Variants in PSMF1 observed in about 807,000 individuals in gnomAD.
The protein encoded by PSMF1 is proteasome inhibitor subunit 1, also known as proteasome inhibitor PI31 subunit.
A neutral mutation model predicts 29.3 loss-of-function variants in PSMF1; 30 were observed. The observed-to-expected ratio is 1.02, with a 90% CI of 0.77 to 1.39. PSMF1 has a LOEUF of 1.39. PSMF1 is among the 40% of genes most tolerant of loss of function. The pLI is 0.00. For synonymous variants in PSMF1, 134 were observed against 139.7 expected (o/e 0.96, Z 0.29); for missense variants, 344 against 357.5 (o/e 0.96, Z 0.31).
chr20:1,164,340 G>C lies in PSMF1; in HGVS notation c.628G>C (p.Val210Leu), dbSNP rs1005994507. The C allele has an allele frequency of 7.4e-6, 12 of 1,613,850 alleles. No individual in the cohort carries two copies. Among genetic ancestry groups the C allele is most frequent in the Admixed American group, 1.7e-5 (1 of 59,988 alleles). ...PFGPRRGGMI[V>L]DPLRSGFPRA... ...CAGGCCTCGGAGAGGTGGCATGATT[G>C]TGGATCCCCTGAGATCTGGCTTCCC... The change falls in exon 6 of 7, where the codon GTG becomes CTG. Residue 210 changes from valine to leucine, a missense_variant. Transcript: ENST00000335877. The surrounding 1 kb of genome is among the most constrained non-coding windows in gnomAD (Gnocchi z 4.1).
chr20:1,118,845 C>T lies in PSMF1; in HGVS notation c.72C>T (p.Cys24=). Reference sequence around the variant, plus strand: ...CCTGCAGGCAGGACGCGCTCGTCTGCTTCTTGCATTGGGAAGTGGTGACAC... The same window carrying T: ...CCTGCAGGCAGGACGCGCTCGTCTGTTTCTTGCATTGGGAAGTGGTGACAC... ...AITCRQDALV[C]FLHWEVVTHG... Residue 24 remains cysteine, a synonymous_variant, in exon 1 of 7, where the codon TGC becomes TGT. Coordinates refer to ENST00000335877, the MANE Select transcript of PSMF1 (RefSeq NM_006814.5). 1 of 1,613,968 alleles carries T rather than the reference C, an allele frequency of 6.2e-7. No individual in the cohort carries two copies. Among genetic ancestry groups the T allele is most frequent in the Non-Finnish European group, 8.5e-7 (1 of 1,179,814 alleles).
chr20:1,127,361 C>T (rs761403033), intron 2 of PSMF1, 65 bp from the exon 3 acceptor site: 1 of 1,227,262 alleles, frequency 8.1e-7, no homozygotes. Flanking sequence ...TGTTACTCTC[C>T]CTTCACCCTC....
chr20:1,163,116 C>G lies in PSMF1; in HGVS notation c.552-14C>G. On this transcript the variant is annotated splice_polypyrimidine_tract_variant and intron_variant, in intron 4 of 6. Transcript: ENST00000335877. The surrounding 1 kb of genome is among the most constrained non-coding windows in gnomAD (Gnocchi z 6.1). ...GCTCTGGGACTTGCAGTAATTGTCTCTTGTTTGTTTCAGGTGTGATCCCCT... is the reference window on the plus strand; with the variant it reads ...GCTCTGGGACTTGCAGTAATTGTCTGTTGTTTGTTTCAGGTGTGATCCCCT... 6.2e-7 allele frequency: 1 copy of G among 1,614,010 alleles called. No homozygotes were observed. The highest frequency in any genetic ancestry group is 8.5e-7 in the Non-Finnish European group (1 of 1,179,966).
intron 4 of PSMF1, among the ~76,000 whole-genome samples, chr20:1,146,163 G>T (rs962944028): frequency 6.6e-6 from 1 of 152,148 alleles, no homozygotes; most frequent in Non-Finnish European, 1.5e-5. Flanking sequence ...TTAGCACAGA[G>T]ATACTTCATG....
chr20:1,118,554 C>G (rs928706057), upstream of PSMF1: 6 of 494,530 alleles, frequency 1.2e-5, no homozygotes, highest in Non-Finnish European at 1.0e-5. Context: ...CTCGCGTTGC[C>G]AACCCGGCGC....
chr20:1,167,002 C>T lies in PSMF1; in HGVS notation c.*1922C>T, dbSNP rs1274709890. The T allele has an allele frequency of 6.6e-6, 1 of 151,930 alleles. No individual in the cohort carries two copies. The highest frequency in any genetic ancestry group is 2.4e-5 in the African/African-American group (1 of 41,342). The allele number at this position is 151,930 out of a possible 1,614,324, so 9.4% of individuals were successfully genotyped here. On this transcript the variant is annotated 3_prime_UTR_variant, in exon 7 of 7. Transcript: ENST00000335877. Reference sequence around the variant, plus strand: ...ACTTAGATTTTCTAGCAGCAAAGTCCGAAAAGATAGTTATATACAAAATTC... The same window carrying T: ...ACTTAGATTTTCTAGCAGCAAAGTCTGAAAAGATAGTTATATACAAAATTC...
chr20:1,125,582 A>T lies in PSMF1; in HGVS notation c.214A>T (p.Lys72Ter). 6.2e-7 allele frequency: 1 copy of T among 1,614,122 alleles called. No individual in the cohort carries two copies. Among genetic ancestry groups the T allele is most frequent in the Non-Finnish European group, 8.5e-7 (1 of 1,180,010 alleles). Reference sequence around the variant, plus strand: ...CCTGTATGTCCTCCGGTATGAGTATAAGGATGGGTCCAGAAAGCTCCTTGT... The same window carrying T: ...CCTGTATGTCCTCCGGTATGAGTATTAGGATGGGTCCAGAAAGCTCCTTGT... ...KDLYVLRYEY[K>*]DGSRKLLVKA... Residue 72 changes from lysine to a stop codon, truncating the protein, a stop_gained, in exon 2 of 7, where the codon AAG becomes TAG. Transcript: ENST00000335877. LOFTEE classifies it high-confidence loss of function.
chr20:1,137,968 G>T (rs964760249), intron 4 of PSMF1, among the ~76,000 whole-genome samples: 1 of 152,274 alleles, frequency 6.6e-6, no homozygotes, highest in East Asian at 1.9e-4. Context: ...AAGAATGGTG[G>T]ACTATTGATA....
intron 1 of PSMF1, among the ~76,000 whole-genome samples, chr20:1,125,094 GT>G (rs1484485014): frequency 6.6e-6 from 1 of 152,196 alleles, no homozygotes; most frequent in East Asian, 1.9e-4. Context: ...TCGGATCTGT[GT>G]TTTTAGTCAA....
At chr20:1,125,789 T>A in intron 2 of PSMF1, 139 bp downstream of exon 2, 1 of 1,183,344 alleles carries the variant, frequency 8.5e-7, no homozygotes, top group South Asian at 1.4e-5. Context: ...GAACTTTATC[T>A]TAAGGTGAGA....
intron 3 of PSMF1, among the ~76,000 whole-genome samples, chr20:1,130,736 T>G (rs560332410): frequency 6.6e-6 from 1 of 152,302 alleles, no homozygotes; most frequent in Admixed American, 6.5e-5. Context: ...CTCAACCTAC[T>G]GGGCTCAAGT....
At chr20:1,116,357 G>A (rs1200476600), upstream of PSMF1, among the ~76,000 whole-genome samples, 1 of 152,216 alleles carries the variant, frequency 6.6e-6, no homozygotes, top group Non-Finnish European at 1.5e-5. Flanking sequence ...TCAGAGAGGA[G>A]TTCCACAGCC....
chr20:1,151,617 G>A (rs776193342), intron 4 of PSMF1, among the ~76,000 whole-genome samples: 2 of 152,160 alleles, frequency 1.3e-5, no homozygotes, highest in Non-Finnish European at 2.9e-5. Context: ...TATGTCATGA[G>A]GTGTGGACCC....
chr20:1,145,052 A>G (rs1289083942), intron 4 of PSMF1, among the ~76,000 whole-genome samples: 1 of 151,942 alleles, frequency 6.6e-6, no homozygotes, highest in African/African-American at 2.4e-5. Flanking sequence ...CACCCAGCTC[A>G]TTTTTGTATT....
intron 1 of PSMF1, among the ~76,000 whole-genome samples, chr20:1,122,884 A>G (rs1272967940): frequency 6.6e-6 from 1 of 152,196 alleles, no homozygotes; most frequent in Non-Finnish European, 1.5e-5. Context: ...TTTATATTCC[A>G]AGAGAGAACT....
chr20:1,121,572 T>C (rs1417947816), intron 1 of PSMF1, among the ~76,000 whole-genome samples: 1 of 152,142 alleles, frequency 6.6e-6, no homozygotes, highest in Admixed American at 6.5e-5. Flanking sequence ...CTCAATTGTG[T>C]TTTCCAAGCT....
chr20:1,158,466 C>T (rs2086621978), intron 4 of PSMF1, among the ~76,000 whole-genome samples: 1 of 152,200 alleles, frequency 6.6e-6, no homozygotes, highest in Admixed American at 6.5e-5. Flanking sequence ...AACCCAATGT[C>T]CAGAGCGCAT....
intron 1 of PSMF1, chr20:1,113,465 C>CACACAT (rs1228664847): frequency 6.5e-5 from 10 of 154,998 alleles, no homozygotes; most frequent in Non-Finnish European, 1.3e-4. Flanking sequence ...CACACACACA[C>CACACAT]ACACACACAC....
intron 3 of PSMF1, among the ~76,000 whole-genome samples, chr20:1,128,427 T>C (rs552970077): frequency 1.6e-3 from 250 of 152,380 alleles, no homozygotes; most frequent in Non-Finnish European, 2.9e-3. Flanking sequence ...TATTTACTTA[T>C]TTATTTGATC....
Sources: allele counts gnomAD v4.1 joint callset (sites outside exome capture counted in the v4.1 genomes callset), GRCh38; gene constraint gnomAD v4.1.1; non-coding constraint Gnocchi (gnomAD v3.1); transcripts MANE v1.5; gene names NCBI Gene and HGNC (gene_info 2026-07-23, HGNC 2026-07-21).